UBE2L3: variants seen among roughly 807,000 people sequenced by gnomAD.
The protein encoded by UBE2L3 is ubiquitin-conjugating enzyme E2 L3.
UBE2L3 carries 1 observed loss-of-function variant against 17.8 expected under a neutral mutation model. The ratio of observed to expected loss-of-function variants is 0.06; its 90% CI spans 0.02 to 0.27. The LOEUF (loss-of-function observed/expected upper bound fraction) is 0.27, where lower values mean the gene tolerates loss of function less well. UBE2L3 is among the 10% of genes least tolerant of loss of function. UBE2L3 has a pLI of 1.00. For missense variants in UBE2L3, 40 were observed against 192.6 expected (o/e 0.21, Z 4.69); for synonymous variants, 44 against 68.5 (o/e 0.64, Z 1.76).
chr22:21,596,054 C>T lies in UBE2L3; in HGVS notation c.123+3098C>T, dbSNP rs1199313729. The stretch of plus-strand genomic sequence containing the variant: ...CTAATTTTTGTATTTTTAGTAAAGA[C>T]GGGGTTTCACCATGTTGGCCAGGAT... On this transcript the variant is annotated intron_variant, in intron 2 of 3. Coordinates refer to ENST00000342192, the MANE Select transcript of UBE2L3 (RefSeq NM_003347.4). 7.9e-5 allele frequency among the ~76,000 whole-genome samples: 12 copies of T among 152,032 alleles called. No homozygotes were observed. In the South Asian group the frequency reaches 1.0e-3, roughly 13 times the overall value.
chr22:21,598,783 C>T (rs1381359411), intron 2 of UBE2L3, among the ~76,000 whole-genome samples: 2 of 151,536 alleles, frequency 1.3e-5, no homozygotes, highest in African/African-American at 4.8e-5. Context: ...ATCCTCCTGC[C>T]TCAGCCTCCC....
intron 1 of UBE2L3, among the ~76,000 whole-genome samples, chr22:21,573,260 C>T (rs1927084153): frequency 6.6e-6 from 1 of 152,098 alleles, no homozygotes; most frequent in Non-Finnish European, 1.5e-5. Flanking sequence ...ATTACAAGTG[C>T]ACATTCCTTA....
At chr22:21,575,669 G>A (rs1785035727) in intron 1 of UBE2L3, among the ~76,000 whole-genome samples, 1 of 96,088 alleles carries the variant, frequency 1.0e-5, no homozygotes, top group South Asian at 4.2e-4. Flanking sequence ...TGGAGACGGA[G>A]TCTCACTCTG....
At chr22:21,596,856 C>CT (rs1199225010) in intron 2 of UBE2L3, among the ~76,000 whole-genome samples, 9 of 151,570 alleles carry the variant, frequency 5.9e-5, no homozygotes, top group East Asian at 1.9e-4. Context: ...TGTTATTTTA[C>CT]TTTTTTTTTG....
chr22:21,598,138 A>G (rs1928652035), intron 2 of UBE2L3, among the ~76,000 whole-genome samples: 1 of 144,720 alleles, frequency 6.9e-6, no homozygotes, highest in Non-Finnish European at 1.5e-5. Context: ...TTTTCCTTTT[A>G]TCAGTCTAGC....
chr22:21,581,576 C>A (rs1052115032), intron 1 of UBE2L3, among the ~76,000 whole-genome samples: 6 of 152,016 alleles, frequency 3.9e-5, no homozygotes, highest in African/African-American at 1.4e-4. Context: ...CCTAGATGGG[C>A]AGATCACCTG....
At chr22:21,562,792 A>C (rs1266033012), upstream of UBE2L3, among the ~76,000 whole-genome samples, 1 of 145,458 alleles carries the variant, frequency 6.9e-6, no homozygotes, top group Admixed American at 7.0e-5. Context: ...GGCGTGAGCC[A>C]CCGCGCCTGG....
At chr22:21,590,725 G>A (rs1413640922) in intron 1 of UBE2L3, among the ~76,000 whole-genome samples, 2 of 152,108 alleles carry the variant, frequency 1.3e-5, no homozygotes, top group African/African-American at 4.8e-5. Flanking sequence ...GACGTGCATG[G>A]TATACCCTGT....
intron 1 of UBE2L3, among the ~76,000 whole-genome samples, chr22:21,578,335 G>GGGTGACAGA (rs1315666195): frequency 1.3e-5 from 2 of 151,138 alleles, no homozygotes; most frequent in African/African-American, 2.4e-5. Flanking sequence ...ACTCCAGCCT[G>GGGTGACAGA]GGTGACAGAG....
intron 1 of UBE2L3, among the ~76,000 whole-genome samples, chr22:21,588,198 T>C (rs1411144874): frequency 6.6e-6 from 1 of 152,242 alleles, no homozygotes; most frequent in South Asian, 2.1e-4. Context: ...CCTAACTCTG[T>C]TCTAGAGCTG....
chr22:21,620,983 T>C (rs1369241162), intron 3 of UBE2L3, among the ~76,000 whole-genome samples: 2 of 152,128 alleles, frequency 1.3e-5, no homozygotes, highest in East Asian at 1.9e-4. Flanking sequence ...ATACTAGGCC[T>C]CCTATCTCCA....
At chr22:21,569,622 C>T (rs1439217330) in intron 1 of UBE2L3, among the ~76,000 whole-genome samples, 1 of 152,186 alleles carries the variant, frequency 6.6e-6, no homozygotes, top group Non-Finnish European at 1.5e-5. Flanking sequence ...ATCCTAACCT[C>T]TTACTTGGCA....
chr22:21,570,100 T>C (rs1301784624), intron 1 of UBE2L3, among the ~76,000 whole-genome samples: 1 of 152,200 alleles, frequency 6.6e-6, no homozygotes, highest in East Asian at 1.9e-4. Context: ...CACAGCGCTT[T>C]CTTTATATTT....
chr22:21,586,391 G>A (rs1055409790), intron 1 of UBE2L3, among the ~76,000 whole-genome samples: 1 of 151,810 alleles, frequency 6.6e-6, no homozygotes, highest in African/African-American at 2.4e-5. Context: ...TCAGCCTCCC[G>A]AGTAGCTGAG....
At chr22:21,572,262 C>T (rs1180255846) in intron 1 of UBE2L3, among the ~76,000 whole-genome samples, 1 of 151,766 alleles carries the variant, frequency 6.6e-6, no homozygotes, top group East Asian at 1.9e-4. Flanking sequence ...GTGAAACCCC[C>T]GTCTCTACTA....
chr22:21,570,563 C>A (rs1051811794), intron 1 of UBE2L3, among the ~76,000 whole-genome samples: 1 of 152,114 alleles, frequency 6.6e-6, no homozygotes, highest in Non-Finnish European at 1.5e-5. Flanking sequence ...TGCCTCTTGT[C>A]AGGCTGTCTT....
intron 1 of UBE2L3, among the ~76,000 whole-genome samples, chr22:21,571,677 C>T (rs1387806724): frequency 6.6e-6 from 1 of 152,174 alleles, no homozygotes; most frequent in Admixed American, 6.6e-5. Flanking sequence ...GCTGGGATTA[C>T]AGGTGTGAGC....
At position 21,595,539 on chromosome 22, in the gene UBE2L3, G is replaced by A. The variant is rs188842598; in HGVS notation, c.123+2583G>A. On this transcript the variant is annotated intron_variant, in intron 2 of 3. Transcript: ENST00000342192. ...GGTGCTGTCCTTGGGTAGCCACCTAGCGATTGCCCTGGTCGTAGTGCACAG... is the reference window on the plus strand; with the variant it reads ...GGTGCTGTCCTTGGGTAGCCACCTAACGATTGCCCTGGTCGTAGTGCACAG... Among the ~76,000 whole-genome samples the A allele has an allele frequency of 4.5e-3, 689 of 152,334 alleles. 6 individuals are homozygous for A. Among genetic ancestry groups the A allele is most frequent in the Non-Finnish European group, 6.0e-3 (409 of 68,030 alleles).
upstream of UBE2L3, among the ~76,000 whole-genome samples, chr22:21,567,204 C>T (rs1926670008): frequency 6.6e-6 from 1 of 152,124 alleles, no homozygotes; most frequent in Non-Finnish European, 1.5e-5. Flanking sequence ...TCCTCTGTCA[C>T]CCAGGCTGGA....
Sources: allele counts gnomAD v4.1 joint callset (sites outside exome capture counted in the v4.1 genomes callset), GRCh38; gene constraint gnomAD v4.1.1; transcripts MANE v1.5; gene names NCBI Gene and HGNC (gene_info 2026-07-23, HGNC 2026-07-21).